SCLT1: variants seen among roughly 807,000 people sequenced by gnomAD.
SCLT1 encodes sodium channel-associated protein 1.
A neutral mutation model predicts 112.8 loss-of-function variants in SCLT1; 78 were observed. That is an observed-to-expected ratio of 0.69 (90% CI 0.58 to 0.83). The LOEUF (loss-of-function observed/expected upper bound fraction) is 0.83. Ranked by LOEUF, SCLT1 falls within the 40% of genes least tolerant of loss-of-function variation. The pLI, the probability that SCLT1 is intolerant of heterozygous loss-of-function variation, is 0.00. For missense variants in SCLT1, 747 were observed against 770.4 expected (o/e 0.97, Z 0.36); for synonymous variants, 257 against 254.7 (o/e 1.01, Z -0.09).
intron 1 of SCLT1, among the ~76,000 whole-genome samples, chr4:129,083,099 G>A (rs1752084147): frequency 6.8e-6 from 1 of 148,098 alleles, no homozygotes; most frequent in Non-Finnish European, 1.5e-5. Context: ...GCTGAGGCAG[G>A]AGAATAACTT....
At chr4:129,050,542 G>T (rs1748681086) in intron 2 of SCLT1, among the ~76,000 whole-genome samples, 2 of 152,190 alleles carry the variant, frequency 1.3e-5, no homozygotes, top group African/African-American at 4.8e-5. Context: ...TTTTTGAGAA[G>T]TGTCTGTTGT....
intron 18 of SCLT1, among the ~76,000 whole-genome samples, chr4:128,893,383 C>A (rs189852760): frequency 7.6e-4 from 115 of 152,256 alleles, no homozygotes; most frequent in Admixed American, 5.4e-3. Flanking sequence ...CTTCATTATT[C>A]ATCTTTGTAC....
intron 11 of SCLT1, among the ~76,000 whole-genome samples, chr4:128,963,625 A>C (rs1177678510): frequency 6.6e-6 from 1 of 152,228 alleles, no homozygotes; most frequent in East Asian, 1.9e-4. Context: ...TAGGCATAAA[A>C]ATAGAAGTTT....
chr4:129,084,927 C>A (rs1463244607), intron 1 of SCLT1, among the ~76,000 whole-genome samples: 2 of 152,166 alleles, frequency 1.3e-5, no homozygotes, highest in African/African-American at 4.8e-5. Flanking sequence ...CCCCGGAAGA[C>A]AACCTAAGCA....
intron 14 of SCLT1, among the ~76,000 whole-genome samples, chr4:128,949,316 G>A (rs1176158927): frequency 6.7e-6 from 1 of 150,224 alleles, no homozygotes; most frequent in Non-Finnish European, 1.5e-5. Flanking sequence ...CCCTGTTTGC[G>A]ACCCACTAAG....
At chr4:129,005,865 AG>A (rs1363384646) in intron 5 of SCLT1, among the ~76,000 whole-genome samples, 5 of 151,410 alleles carry the variant, frequency 3.3e-5, no homozygotes, top group South Asian at 2.1e-4. Flanking sequence ...TGTCCTTTGT[AG>A]GGACATGGAT....
intron 2 of SCLT1, among the ~76,000 whole-genome samples, chr4:129,062,952 T>C (rs1750123774): frequency 6.6e-6 from 1 of 152,246 alleles, no homozygotes; most frequent in Non-Finnish European, 1.5e-5. Flanking sequence ...TTTTCAGACA[T>C]CATTTCTTTA....
At chr4:129,024,799 GA>G (rs1403684536) in intron 5 of SCLT1, among the ~76,000 whole-genome samples, 1 of 152,020 alleles carries the variant, frequency 6.6e-6, no homozygotes, top group Non-Finnish European at 1.5e-5. Context: ...TAAAAACTTT[GA>G]AAAAAATTTA....
chr4:128,959,313 GTTTT>G (rs948852751), intron 12 of SCLT1, among the ~76,000 whole-genome samples: 1 of 146,782 alleles, frequency 6.8e-6, no homozygotes, highest in Non-Finnish European at 1.5e-5. Context: ...ACTGTTAACA[GTTTT>G]TTTTTTTTAA....
intron 17 of SCLT1, among the ~76,000 whole-genome samples, chr4:128,940,437 T>G (rs1560867265): frequency 6.6e-6 from 1 of 152,098 alleles, no homozygotes; most frequent in Non-Finnish European, 1.5e-5. Flanking sequence ...TTGTTTTTAT[T>G]TATGAATTCT....
At position 128,884,404 on chromosome 4, in the gene SCLT1, T is replaced by C; in HGVS notation, c.*73A>G. On this transcript the variant is annotated 3_prime_UTR_variant, in exon 21 of 21. Coordinates refer to ENST00000281142, the MANE Select transcript of SCLT1 (RefSeq NM_144643.4). The stretch of plus-strand genomic sequence containing the variant: ...CCTTAACTATTATACTTTGCAGGCT[T>C]TACCATTTCAATACACTTCTAGTCC... 1.1e-6 allele frequency: 1 copy of C among 882,304 alleles called. No individual in the cohort carries two copies. The highest frequency in any genetic ancestry group is 1.8e-5 in the Admixed American group (1 of 55,198). 54.7% of individuals were successfully genotyped at this position (882,304 alleles called of 1,614,324 possible).
intron 11 of SCLT1, among the ~76,000 whole-genome samples, chr4:128,964,810 C>G (rs138160512): frequency 6.6e-6 from 1 of 152,110 alleles, no homozygotes; most frequent in East Asian, 1.9e-4. Context: ...TACTGAGGGT[C>G]AACTATGTTC....
chr4:129,055,643 A>G (rs549258424), intron 2 of SCLT1, among the ~76,000 whole-genome samples: 1 of 152,120 alleles, frequency 6.6e-6, no homozygotes, highest in Non-Finnish European at 1.5e-5. Flanking sequence ...CGTTCATCCC[A>G]GGTGGACTTC....
intron 2 of SCLT1, among the ~76,000 whole-genome samples, chr4:129,066,528 A>C (rs1279521254): frequency 2.0e-5 from 3 of 152,004 alleles, no homozygotes; most frequent in Non-Finnish European, 4.4e-5. Context: ...AGATAACGCC[A>C]ATTTTAGGTA....
At chr4:129,056,901 T>C (rs985950413) in intron 2 of SCLT1, among the ~76,000 whole-genome samples, 2 of 152,374 alleles carry the variant, frequency 1.3e-5, no homozygotes, top group African/African-American at 4.8e-5. Flanking sequence ...CATCCTGGTG[T>C]TGTTCCAAAT....
intron 2 of SCLT1, among the ~76,000 whole-genome samples, chr4:129,045,845 T>C (rs1420662711): frequency 1.3e-5 from 2 of 152,128 alleles, no homozygotes; most frequent in Admixed American, 6.6e-5. Flanking sequence ...ATTTACCTAC[T>C]ATGTGTAAGG....
intron 1 of SCLT1, among the ~76,000 whole-genome samples, chr4:129,092,750 C>G (rs1210032208): frequency 6.6e-6 from 1 of 152,212 alleles, no homozygotes; most frequent in Non-Finnish European, 1.5e-5. Context: ...GGCCAGAGAG[C>G]TGTGCCCCTA....
In SCLT1 at chr4:129,050,269, G is replaced by A. The variant is rs540856106; in HGVS notation, c.103-6218C>T. On this transcript the variant is annotated intron_variant, in intron 2 of 20. Coordinates refer to ENST00000281142, the MANE Select transcript of SCLT1 (RefSeq NM_144643.4). The stretch of plus-strand genomic sequence containing the variant: ...ATATACACAGTAATTGGATTGCTGG[G>A]TCAAATGGAATTTCTGGTTCTAGAT... Among the ~76,000 whole-genome samples, 283 of 152,252 alleles carry A rather than the reference G, an allele frequency of 1.9e-3. No individual in the cohort carries two copies. In the South Asian group the frequency reaches 0.021, roughly 11 times the overall value.
At chr4:129,002,898 T>G (rs1743642982) in intron 6 of SCLT1, among the ~76,000 whole-genome samples, 1 of 152,076 alleles carries the variant, frequency 6.6e-6, no homozygotes, top group African/African-American at 2.4e-5. Context: ...GATCTAGAAC[T>G]AGAAATACCA....
Sources: gnomAD v4.1 joint callset for allele counts (sites outside exome capture counted in the v4.1 genomes callset) on GRCh38, gnomAD v4.1.1 for gene constraint, MANE v1.5 for transcripts, NCBI Gene and HGNC (gene_info 2026-07-23, HGNC 2026-07-21) for gene names.